The following KIFC3 variants were observed in gnomAD, a reference collection of about 807,000 sequenced individuals.
The protein encoded by KIFC3 is kinesin-like protein KIFC3.
KIFC3 carries 60 observed loss-of-function variants against 101.8 expected under a neutral mutation model. That is an observed-to-expected ratio of 0.59 (90% CI 0.48 to 0.73). KIFC3 has a LOEUF of 0.73. KIFC3 is among the 30% of genes least tolerant of loss of function. The pLI, the probability that KIFC3 is intolerant of heterozygous loss-of-function variation, is 0.00. For synonymous variants in KIFC3, 476 were observed against 482.7 expected (o/e 0.99, Z 0.18); for missense variants, 966 against 1,137.1 (o/e 0.85, Z 2.16).
At chr16:57,822,411 T>C (rs1598207333) in intron 1 of KIFC3, among the ~76,000 whole-genome samples, 2 of 152,250 alleles carry the variant, frequency 1.3e-5, no homozygotes, top group South Asian at 4.2e-4. Context: ...TCTTTTAAAA[T>C]GCCAATGTGG....
chr16:57,819,212 G>T (rs2055298960), intron 1 of KIFC3, among the ~76,000 whole-genome samples: 2 of 152,342 alleles, frequency 1.3e-5, no homozygotes, highest in African/African-American at 4.8e-5. Context: ...GCTCACGCAT[G>T]TACTCCCAGT....
rs1050012654 is a variant in KIFC3, at chr16:57,776,360, G to A, written c.316-4072C>T. The A allele has an allele frequency of 5.5e-5, 54 of 985,236 alleles. No homozygotes were observed. In the Admixed American group the frequency reaches 6.1e-4, roughly 11 times the overall value. 61.0% of individuals were successfully genotyped at this position (985,236 alleles called of 1,614,324 possible). A position where few individuals can be genotyped will look rare whatever the true frequency, so the allele number is the denominator to read the frequency against. ...CCAGGCCTATCTGTCCCCTGTCCAC[G>A]CCACCCTGCCTCTGTTGCCAAGTCT... On this transcript the variant is annotated intron_variant, in intron 3 of 19. Transcript: ENST00000445690.
At chr16:57,791,497 G>A (rs2149168067) in intron 3 of KIFC3, among the ~76,000 whole-genome samples, 1 of 152,290 alleles carries the variant, frequency 6.6e-6, no homozygotes, top group African/African-American at 2.4e-5. Flanking sequence ...GCTAGGGAGG[G>A]GGTGTCACTA....
At chr16:57,800,698 A>C (rs868957532) in intron 1 of KIFC3, among the ~76,000 whole-genome samples, 7 of 152,216 alleles carry the variant, frequency 4.6e-5, no homozygotes, top group Non-Finnish European at 1.0e-4. Flanking sequence ...ATCGGGAAGA[A>C]AGAGGAAGGG....
rs1491274813 is a variant in KIFC3 at position 57,837,542 on chromosome 16, A to AAAGGAAGG, written c.108+25179_108+25186dup. ...AAAGAAAAGAGAAAGAAAGAAAGAG[A>AAAGGAAGG]AAGGAAGGAAGGAAGAAAGAAAGAA... On this transcript the variant is annotated intron_variant, in intron 1 of 2. Transcript: ENST00000563028. Among the ~76,000 whole-genome samples the AAAGGAAGG allele has an allele frequency of 1.1e-3, 136 of 118,356 alleles. 12 individuals carry two copies. Among genetic ancestry groups the AAAGGAAGG allele is most frequent in the Non-Finnish European group, 1.8e-3 (96 of 54,718 alleles). The allele number at this position is 118,356 out of a possible 152,430, so 77.6% of individuals were successfully genotyped here. A position where few individuals can be genotyped will look rare whatever the true frequency, so the allele number is the denominator to read the frequency against.
intron 14 of KIFC3, 106 bp from the exon 15 acceptor site, chr16:57,761,277 A>C: frequency 6.3e-7 from 1 of 1,579,334 alleles, no homozygotes; most frequent in South Asian, 1.1e-5. Flanking sequence ...CGCAGTTTAG[A>C]TGAGGAAACT....
At chr16:57,840,467 A>C (rs2055781156) in intron 1 of KIFC3, among the ~76,000 whole-genome samples, 1 of 152,052 alleles carries the variant, frequency 6.6e-6, no homozygotes, top group Non-Finnish European at 1.5e-5. Flanking sequence ...CTGTAAAAAA[A>C]TAAAAGTTAA....
At chr16:57,825,179 G>A (rs1023631191) in intron 1 of KIFC3, among the ~76,000 whole-genome samples, 4 of 152,230 alleles carry the variant, frequency 2.6e-5, no homozygotes, top group African/African-American at 9.6e-5. Flanking sequence ...TGAGGGACTT[G>A]CCTCCTGTTA....
chr16:57,759,278 CAG>C (rs782319773), intron 18 of KIFC3, 125 bp from the exon 19 acceptor site: 296 of 1,176,800 alleles, frequency 2.5e-4, no homozygotes, highest in Non-Finnish European at 3.4e-4. Context: ...CTGGGCTAAA[CAG>C]GGGCTGGAGC....
At chr16:57,764,952 G>GGATGGGCTGT (rs1567946965) in intron 11 of KIFC3, among the ~76,000 whole-genome samples, 1 of 151,692 alleles carries the variant, frequency 6.6e-6, no homozygotes, top group Non-Finnish European at 1.5e-5. Flanking sequence ...CATGAGGGTG[G>GGATGGGCTGT]GATGGGCTGT....
chr16:57,799,536 C>A (rs1014270132), intron 1 of KIFC3, among the ~76,000 whole-genome samples: 1 of 152,202 alleles, frequency 6.6e-6, no homozygotes, highest in Non-Finnish European at 1.5e-5. Flanking sequence ...TCTGCAGCTG[C>A]ACCCACACTA....
In KIFC3 at chr16:57,792,865, CAAAAAAAAAAAA is replaced by C. The variant is rs35129462; in HGVS notation, c.315+2122_315+2133del. Among the ~76,000 whole-genome samples, 23 of 38,448 alleles carry C rather than the reference CAAAAAAAAAAAA, an allele frequency of 6.0e-4. No homozygotes were observed. In the East Asian group the frequency reaches 0.02, roughly 34 times the overall value. 25.2% of individuals were successfully genotyped at this position (38,448 alleles called of 152,430 possible). On this transcript the variant is annotated intron_variant, in intron 3 of 19. Transcript: ENST00000445690. ...CTGGGCAACAGAGCCAGACCTTGCTCAAAAAAAAAAAAAAAAAAAAAAAAAAAGGGTAGTTCT... is the reference window on the plus strand; with the variant it reads ...CTGGGCAACAGAGCCAGACCTTGCTCAAAAAAAAAAAAAAAGGGTAGTTCT...
At chr16:57,774,889 T>C in intron 3 of KIFC3, 2 of 1,416,136 alleles carry the variant, frequency 1.4e-6, no homozygotes, top group Non-Finnish European at 1.8e-6. Flanking sequence ...ATAAGTGAAC[T>C]GACTTCCTCT....
In KIFC3 at chr16:57,767,048, C is replaced by T. The variant is rs1369509369; in HGVS notation, c.1219-63G>A. 1.0e-5 allele frequency: 14 copies of T among 1,388,190 alleles called. No individual in the cohort carries two copies. The South Asian group carries it at 1.4e-4, about 14-fold the overall frequency. 86.0% of individuals were successfully genotyped at this position (1,388,190 alleles called of 1,614,324 possible). A position where few individuals can be genotyped will look rare whatever the true frequency, so the allele number is the denominator to read the frequency against. On this transcript the variant is annotated intron_variant, in intron 9 of 19. Coordinates refer to ENST00000445690, the MANE Select transcript of KIFC3 (RefSeq NM_001130100.2). Reference sequence around the variant, plus strand: ...CCATCAGCCTTACCGGCCTGACTGCCCACCCCTGAGGGGTGCTCACTGCCT... The same window carrying T: ...CCATCAGCCTTACCGGCCTGACTGCTCACCCCTGAGGGGTGCTCACTGCCT...
chr16:57,769,703 G>A lies in KIFC3; in HGVS notation c.1110C>T (p.Thr370=). The A allele has an allele frequency of 6.2e-7, 1 of 1,613,010 alleles. No individual in the cohort carries two copies. The highest frequency in any genetic ancestry group is 8.5e-7 in the Non-Finnish European group (1 of 1,179,980). ...NLAGVRTNLL[T]LQPALRTLTN... Reference sequence around the variant, plus strand: ...TGAGGGTCCGCAGTGCCGGCTGCAAGGTCAGCAAGTTGGTCCGGACGCCTA... The same window carrying A: ...TGAGGGTCCGCAGTGCCGGCTGCAAAGTCAGCAAGTTGGTCCGGACGCCTA... The change falls in exon 9 of 20, where the codon ACC becomes ACT. Residue 370 remains threonine, a synonymous_variant. Coordinates refer to ENST00000445690, the MANE Select transcript of KIFC3 (RefSeq NM_001130100.2). This position sits in a 1 kb window ranked among gnomAD's most constrained non-coding sequence, Gnocchi z 4.3.
upstream of KIFC3, among the ~76,000 whole-genome samples, chr16:57,807,368 G>T (rs186306800): frequency 7.1e-4 from 108 of 152,260 alleles, 2 homozygotes; most frequent in East Asian, 0.019. Context: ...ACCTCAGGGG[G>T]TCTGGCACAA....
intron 1 of KIFC3, chr16:57,810,673 T>C: frequency 1.0e-6 from 1 of 985,492 alleles, no homozygotes; most frequent in African/African-American, 1.7e-5. Context: ...GAATTTAATC[T>C]AATTCAACTT....
chr16:57,845,930 AG>A (rs2055908370), intron 1 of KIFC3, among the ~76,000 whole-genome samples: 1 of 152,110 alleles, frequency 6.6e-6, no homozygotes, highest in Non-Finnish European at 1.5e-5. Flanking sequence ...AAACTTACAG[AG>A]GGTTCTTTAA....
At chr16:57,839,842 C>A (rs767400819) in intron 1 of KIFC3, among the ~76,000 whole-genome samples, 3 of 152,060 alleles carry the variant, frequency 2.0e-5, no homozygotes, top group African/African-American at 7.2e-5. Context: ...CATTCTTGAG[C>A]AACTCATATT....
Sources: allele counts gnomAD v4.1 joint callset (sites outside exome capture counted in the v4.1 genomes callset), GRCh38; gene constraint gnomAD v4.1.1; non-coding constraint Gnocchi (gnomAD v3.1); transcripts MANE v1.5; gene names NCBI Gene and HGNC (gene_info 2026-07-23, HGNC 2026-07-21).